The following TSPAN9 variants were observed in gnomAD, a reference collection of about 807,000 sequenced individuals.
The protein encoded by TSPAN9 is tetraspanin-9.
Under a neutral mutation model 31.0 loss-of-function variants are expected in TSPAN9, and 16 were observed. The ratio of observed to expected loss-of-function variants is 0.52; its 90% CI spans 0.35 to 0.78. The LOEUF (loss-of-function observed/expected upper bound fraction) is 0.78. Among genes scored for constraint, TSPAN9 ranks in the 30% least tolerant of loss-of-function variants. TSPAN9 has a pLI of 0.01. For synonymous variants in TSPAN9, 145 were observed against 121.6 expected (o/e 1.19, Z -1.27); for missense variants, 272 against 312.5 (o/e 0.87, Z 0.98).
intron 2 of TSPAN9, among the ~76,000 whole-genome samples, chr12:3,120,003 C>G (rs1030071727): frequency 7.2e-5 from 11 of 152,186 alleles, no homozygotes; most frequent in African/African-American, 1.9e-4. Context: ...GCAAGGAGTT[C>G]GTGCCAGATG....
chr12:3,264,136 C>T (rs1025958800), intron 3 of TSPAN9, among the ~76,000 whole-genome samples: 8 of 152,124 alleles, frequency 5.3e-5, no homozygotes, highest in African/African-American at 1.9e-4. Context: ...CTGTACCTGT[C>T]GCTGTGACAC....
chr12:3,197,411 A>C (rs988661826), intron 2 of TSPAN9, among the ~76,000 whole-genome samples: 9 of 152,244 alleles, frequency 5.9e-5, no homozygotes, highest in African/African-American at 2.2e-4. Flanking sequence ...ATCTCCAGAC[A>C]GCATCGGTGG....
intron 3 of TSPAN9, among the ~76,000 whole-genome samples, chr12:3,269,926 G>C (rs1242940184): frequency 2.0e-5 from 3 of 152,234 alleles, no homozygotes; most frequent in African/African-American, 7.2e-5. Flanking sequence ...AGCCTGTCCT[G>C]GTAGGGCTGC....
chr12:3,220,215 G>T (rs1369604376), intron 3 of TSPAN9, among the ~76,000 whole-genome samples: 1 of 151,884 alleles, frequency 6.6e-6, no homozygotes, highest in Non-Finnish European at 1.5e-5. Flanking sequence ...ACCTGTAACA[G>T]CTACCATTTC....
intron 3 of TSPAN9, chr12:3,211,890 G>A (rs2098378905): frequency 1.3e-6 from 2 of 1,588,720 alleles, no homozygotes; most frequent in South Asian, 1.1e-5. Flanking sequence ...TCTGGAGAGG[G>A]ATGAAGGAGA....
At chr12:3,142,189 G>A (rs2098335187) in intron 2 of TSPAN9, among the ~76,000 whole-genome samples, 1 of 152,162 alleles carries the variant, frequency 6.6e-6, no homozygotes, top group Non-Finnish European at 1.5e-5. Flanking sequence ...ACGCTGCTGG[G>A]CCCAGATGCC....
At chr12:3,106,771 GACAAAACAAA>G (rs199995207) in intron 2 of TSPAN9, among the ~76,000 whole-genome samples, 15 of 151,994 alleles carry the variant, frequency 9.9e-5, no homozygotes, top group African/African-American at 3.1e-4. Context: ...ACCCTGTCTC[GACAAAACAAA>G]ACAAAACAAA....
chr12:3,248,615 A>G (rs1010635099), intron 3 of TSPAN9, among the ~76,000 whole-genome samples: 6 of 90,206 alleles, frequency 6.7e-5, no homozygotes, highest in African/African-American at 1.6e-4. Context: ...CCTTACAGTG[A>G]GCCTGGGAGG....
intron 2 of TSPAN9, among the ~76,000 whole-genome samples, chr12:3,140,912 T>A (rs1273823490): frequency 2.6e-5 from 4 of 151,234 alleles, no homozygotes; most frequent in Non-Finnish European, 4.4e-5. Context: ...GGCGTTTGGA[T>A]GTGTCTAGAT....
chr12:3,253,990 G>A (rs1057078740), intron 3 of TSPAN9, among the ~76,000 whole-genome samples: 21 of 152,210 alleles, frequency 1.4e-4, no homozygotes, highest in Non-Finnish European at 3.1e-4. Context: ...GCAGGGGAGT[G>A]GAGGGATAAG....
chr12:3,095,655 C>T lies in TSPAN9; in HGVS notation c.-18+11936C>T, dbSNP rs1265975165. ...TGACCCCCCCCACCTCCCTCCCGGA[C>T]GGGGCGGCTGGCCAGGCAGAGGGGC... is the stretch of plus-strand genomic sequence containing the variant. On this transcript the variant is annotated intron_variant, in intron 2 of 8. Coordinates refer to ENST00000011898, the MANE Select transcript of TSPAN9 (RefSeq NM_006675.5). Among the ~76,000 whole-genome samples, 99 of 140,862 alleles carry T rather than the reference C, an allele frequency of 7.0e-4. 1 individual carries two copies. Among genetic ancestry groups the T allele is most frequent in the East Asian group, 6.5e-4 (3 of 4,590 alleles). The allele number at this position is 140,862 out of a possible 152,430, so 92.4% of individuals were successfully genotyped here. A position where few individuals can be genotyped will look rare whatever the true frequency, so the allele number is the denominator to read the frequency against.
At chr12:3,142,284 G>A (rs959047734) in intron 2 of TSPAN9, among the ~76,000 whole-genome samples, 21 of 152,270 alleles carry the variant, frequency 1.4e-4, no homozygotes, top group African/African-American at 5.1e-4. Flanking sequence ...ACACCACTGG[G>A]CTTCCCACTT....
At chr12:3,260,341 T>G (rs1162570717) in intron 3 of TSPAN9, among the ~76,000 whole-genome samples, 1 of 152,248 alleles carries the variant, frequency 6.6e-6, no homozygotes, top group Non-Finnish European at 1.5e-5. Context: ...GGATGCAGGT[T>G]TGTTCCCAGT....
chr12:3,166,244 G>A (rs2153969864), intron 2 of TSPAN9, among the ~76,000 whole-genome samples: 1 of 152,328 alleles, frequency 6.6e-6, no homozygotes, highest in Non-Finnish European at 1.5e-5. Flanking sequence ...TAATTTAATA[G>A]ACATTTATAT....
chr12:3,174,974 G>A (rs573322265), intron 2 of TSPAN9, among the ~76,000 whole-genome samples: 4 of 152,100 alleles, frequency 2.6e-5, no homozygotes, highest in Admixed American at 2.0e-4. Context: ...CCCCTGCCCT[G>A]CCTGTCTTCT....
At chr12:3,171,262 A>G (rs771550559) in intron 2 of TSPAN9, among the ~76,000 whole-genome samples, 8 of 152,050 alleles carry the variant, frequency 5.3e-5, no homozygotes, top group Non-Finnish European at 8.8e-5. Flanking sequence ...CATGTCCTCA[A>G]ATTGGAATGC....
chr12:3,182,175 G>C (rs2098358873), intron 2 of TSPAN9, among the ~76,000 whole-genome samples: 1 of 152,108 alleles, frequency 6.6e-6, no homozygotes, highest in African/African-American at 2.4e-5. Context: ...AGGTGGGCTG[G>C]GAGGGAGCAG....
At chr12:3,110,394 C>G (rs950015775) in intron 2 of TSPAN9, among the ~76,000 whole-genome samples, 6 of 152,178 alleles carry the variant, frequency 3.9e-5, no homozygotes, top group Non-Finnish European at 5.9e-5. Context: ...TTAAAGCCAC[C>G]ATGCTGGCCA....
In TSPAN9 at chr12:3,140,143, C is replaced by T. The variant is rs564326690; in HGVS notation, c.-18+56424C>T. Among the ~76,000 whole-genome samples, 11 of 8,980 alleles carry T rather than the reference C, an allele frequency of 1.2e-3. No homozygotes were observed. In the South Asian group the frequency reaches 0.079, roughly 64 times the overall value. 5.9% of individuals were successfully genotyped at this position (8,980 alleles called of 152,430 possible). A position where few individuals can be genotyped will look rare whatever the true frequency, so the allele number is the denominator to read the frequency against. On this transcript the variant is annotated intron_variant, in intron 2 of 8. Coordinates refer to ENST00000011898, the MANE Select transcript of TSPAN9 (RefSeq NM_006675.5). ...TCAGATTACTACCCAGAGTGTGGCC[C>T]GTGGACCTGGGCTATCTGTAAGGAA...
Sources: gnomAD v4.1 joint callset for allele counts (sites outside exome capture counted in the v4.1 genomes callset) on GRCh38, gnomAD v4.1.1 for gene constraint, MANE v1.5 for transcripts, NCBI Gene and HGNC (gene_info 2026-07-23, HGNC 2026-07-21) for gene names.